The following ITM2C variants were observed in gnomAD, a reference collection of about 807,000 sequenced individuals.
ITM2C encodes the protein BRICHOS domain containing 2C.
ITM2C carries 20 observed loss-of-function variants against 30.0 expected under a neutral mutation model. The ratio of observed to expected loss-of-function variants is 0.67; its 90% confidence interval spans 0.47 to 0.97. ITM2C has a LOEUF of 0.97. Among genes scored for constraint, ITM2C ranks in the 50% least tolerant of loss-of-function variants. The pLI is 0.00. For missense variants in ITM2C, 366 were observed against 371.9 expected, an observed-to-expected ratio of 0.98 and a Z score of 0.13; for synonymous variants, 167 against 156.4, an observed-to-expected ratio of 1.07 and a Z score of -0.51.
At chr2:230,867,868 A>C (rs1283654046) in intron 1 of ITM2C, among the ~76,000 whole-genome samples, 1 of 152,154 alleles carries the variant, frequency 6.6e-6, no homozygotes, top group Non-Finnish European at 1.5e-5. Context: ...CATGTTGGCC[A>C]GACTGGTCTC....
At chr2:230,876,829 A>T (rs1177480999) in intron 3 of ITM2C, 28 bp from the exon 4 acceptor site, 2 of 1,505,140 alleles carry the variant, frequency 1.3e-6, no homozygotes, top group African/African-American at 2.8e-5. Flanking sequence ...CCTCCTGCAG[A>T]GACTGACCCA....
At position 230,865,024 on chromosome 2, in the gene ITM2C, C is replaced by T; in HGVS notation, c.-2C>T. 6.6e-7 allele frequency: 1 copy of T among 1,505,392 alleles called. No homozygotes were observed. Among genetic ancestry groups the T allele is most frequent in the Non-Finnish European group, 8.9e-7 (1 of 1,119,788 alleles). The allele number at this position is 1,505,392 out of a possible 1,614,324, so 93.3% of individuals were successfully genotyped here. ...GGGGCGGACGCGCGGGCCGGCGCAGCCATGGTGAAGATTAGCTTCCAGCCC... is the reference window on the plus strand; with the variant it reads ...GGGGCGGACGCGCGGGCCGGCGCAGTCATGGTGAAGATTAGCTTCCAGCCC... On this transcript the variant is annotated 5_prime_UTR_variant, in exon 1 of 6. Transcript: ENST00000326427. This position sits in a 1 kb window ranked among gnomAD's most constrained non-coding sequence, Gnocchi z 6.8.
intron 1 of ITM2C, among the ~76,000 whole-genome samples, chr2:230,871,403 C>T (rs781627822): frequency 1.3e-5 from 2 of 152,254 alleles, no homozygotes; most frequent in Non-Finnish European, 2.9e-5. Flanking sequence ...GAAGGTGTCA[C>T]CCCCGTCTCT....
rs543133791 is a variant in ITM2C, at chr2:230,865,481, G to A, written c.120+336G>A. The A allele has an allele frequency of 3.6e-5, 8 of 221,740 alleles. No homozygotes were observed. The East Asian group carries it at 5.5e-4, about 15-fold the overall frequency. The allele number at this position is 221,740 out of a possible 1,614,324, so 13.7% of individuals were successfully genotyped here. On this transcript the variant is annotated intron_variant, in intron 1 of 5. Coordinates refer to ENST00000326427, the MANE Select transcript of ITM2C (RefSeq NM_030926.6). The surrounding 1 kb of genome is among the most constrained non-coding windows in gnomAD (Gnocchi z 6.8). The stretch of plus-strand genomic sequence containing the variant: ...GTCCGAAGAAGTTCGAGGAATGTTG[G>A]TGGGGGGGTACGCGTCTGGTTCCAA...
Position 230,878,278 on chromosome 2 carries a change from G to A in ITM2C, c.*179G>A. 2.3e-6 allele frequency: 1 copy of A among 435,624 alleles called. No individual in the cohort carries two copies. The highest frequency in any genetic ancestry group is 4.0e-5 in the Admixed American group (1 of 24,830). The allele number at this position is 435,624 out of a possible 1,614,324, so 27.0% of individuals were successfully genotyped here. On this transcript the variant is annotated 3_prime_UTR_variant, in exon 6 of 6. Transcript: ENST00000326427. This position sits in a 1 kb window ranked among gnomAD's most constrained non-coding sequence, Gnocchi z 4.5. ...CCTGTACCAGAGCTGTGATCTCTCG[G>A]TGGGGGGCCCATCTCTGCTGACCTG... is the stretch of plus-strand genomic sequence containing the variant.
chr2:230,875,505 C>G, intron 2 of ITM2C, 115 bp from the exon 3 acceptor site: 1 of 893,246 alleles, frequency 1.1e-6, no homozygotes, highest in Non-Finnish European at 1.7e-6. Context: ...CCCTGCTCTT[C>G]TTGCTTCCGC....
Position 230,877,309 on chromosome 2 carries a change from C to T in ITM2C, c.562-91C>T, listed in dbSNP as rs1697328292. ...ATCAGAAGGGCCAGCCCAGGGGCCTCTGGAGGAGGGAGGTGGGCTGGCATT... is the reference window on the plus strand; with the variant it reads ...ATCAGAAGGGCCAGCCCAGGGGCCTTTGGAGGAGGGAGGTGGGCTGGCATT... On this transcript the variant is annotated intron_variant, in intron 4 of 5. Transcript: ENST00000326427. This position sits in a 1 kb window ranked among gnomAD's most constrained non-coding sequence, Gnocchi z 4.8. 7.2e-7 allele frequency: 1 copy of T among 1,382,408 alleles called. No homozygotes were observed. Among genetic ancestry groups the T allele is most frequent in the African/African-American group, 1.4e-5 (1 of 70,286 alleles). The allele number at this position is 1,382,408 out of a possible 1,614,324, so 85.6% of individuals were successfully genotyped here.
At chr2:230,867,634 G>T (rs185141925) in intron 1 of ITM2C, among the ~76,000 whole-genome samples, 154 of 151,210 alleles carry the variant, frequency 1.0e-3, no homozygotes, top group African/African-American at 3.5e-3. Flanking sequence ...TCCAAAACAA[G>T]ATTTATTTTA....
chr2:230,872,907 G>A (rs1697198137), intron 1 of ITM2C, among the ~76,000 whole-genome samples: 1 of 152,110 alleles, frequency 6.6e-6, no homozygotes, highest in Admixed American at 6.6e-5. Flanking sequence ...GTTTTAGAGT[G>A]GATCTTGTCA....
rs749699723 is a variant in ITM2C, at chr2:230,877,368, C to T, written c.562-32C>T. On this transcript the variant is annotated intron_variant, in intron 4 of 5. Coordinates refer to ENST00000326427, the MANE Select transcript of ITM2C (RefSeq NM_030926.6). The surrounding 1 kb of genome is among the most constrained non-coding windows in gnomAD (Gnocchi z 4.8). ...GGGGTTGGACGAAAGCCTGAGGGGC[C>T]GACTCACTGTGGCGGCCACCTTGTT... The T allele has an allele frequency of 2.1e-5, 34 of 1,608,894 alleles. No homozygotes were observed. Among genetic ancestry groups the T allele is most frequent in the African/African-American group, 1.2e-4 (9 of 74,818 alleles).
At chr2:230,874,995 G>A (rs1016512000) in intron 2 of ITM2C, among the ~76,000 whole-genome samples, 13 of 152,152 alleles carry the variant, frequency 8.5e-5, no homozygotes, top group Admixed American at 3.9e-4. Flanking sequence ...GGAGGTAACC[G>A]TGATAGGGGC....
chr2:230,875,064 C>T (rs937932139), intron 2 of ITM2C, among the ~76,000 whole-genome samples: 4 of 152,236 alleles, frequency 2.6e-5, no homozygotes, highest in African/African-American at 9.6e-5. Context: ...TGTTAGGCCC[C>T]TCCAGGTCTG....
chr2:230,876,573 C>T (rs958389495), intron 3 of ITM2C, among the ~76,000 whole-genome samples: 2 of 152,174 alleles, frequency 1.3e-5, no homozygotes, highest in African/African-American at 4.8e-5. Context: ...GCTCCGCCTC[C>T]TGGGTTCACA....
intron 1 of ITM2C, among the ~76,000 whole-genome samples, chr2:230,867,229 A>G (rs543808096): frequency 2.6e-5 from 4 of 152,336 alleles, no homozygotes; most frequent in African/African-American, 9.6e-5. Context: ...GCATGTTAGT[A>G]AACTTTCACA....
Position 230,873,462 on chromosome 2 carries a change from G to A in ITM2C, c.166G>A (p.Gly56Ser). ...QHRSKRGGSV[G>S]GVCYLSMGMV... ...TCGATCCAAGAGGGGGGGCTCAGTG[G>A]GCGGCGTGTGCTACCTGTCGATGGG... is the stretch of plus-strand genomic sequence containing the variant. The change falls in exon 2 of 6, where the codon GGC becomes AGC. Residue 56 changes from glycine (G) to serine (S), a missense_variant. Transcript: ENST00000326427. 6.2e-7 allele frequency: 1 copy of A among 1,609,400 alleles called. No homozygotes were observed. Among genetic ancestry groups the A allele is most frequent in the East Asian group, 2.3e-5 (1 of 44,444 alleles).
intron 1 of ITM2C, among the ~76,000 whole-genome samples, chr2:230,867,820 G>A (rs1445335780): frequency 4.6e-5 from 7 of 151,950 alleles, no homozygotes; most frequent in Admixed American, 1.3e-4. Context: ...CACCATGCCC[G>A]GCTAATTTTT....
At chr2:230,864,487 G>A (rs913718779), upstream of ITM2C, among the ~76,000 whole-genome samples, 1 of 152,160 alleles carries the variant, frequency 6.6e-6, no homozygotes, top group African/African-American at 2.4e-5. This position sits in a 1 kb window ranked among gnomAD's most constrained non-coding sequence, Gnocchi z 4.3. Context: ...GAGGAGGGGG[G>A]CGTGGGGACA....
Position 230,874,109 on chromosome 2 carries a change from G to A in ITM2C, c.261+552G>A, listed in dbSNP as rs147572416. Among the ~76,000 whole-genome samples the A allele has an allele frequency of 6.5e-3, 985 of 152,270 alleles. 12 individuals carry two copies. Among genetic ancestry groups the A allele is most frequent in the African/African-American group, 0.023 (944 of 41,556 alleles). On this transcript the variant is annotated intron_variant, in intron 2 of 5. Coordinates refer to ENST00000326427, the MANE Select transcript of ITM2C (RefSeq NM_030926.6). ...CCAGACCTGGGAGGGAGGGAGTGTC[G>A]CTGTGTGCTTGGAAATGAAAGTAGG...
Position 230,875,747 on chromosome 2 carries a change from A to G in ITM2C, c.389A>G (p.Asn130Ser). 6.3e-7 allele frequency: 1 copy of G among 1,584,140 alleles called. No homozygotes were observed. The highest frequency in any genetic ancestry group is 8.6e-7 in the Non-Finnish European group (1 of 1,161,722). Residue 130 changes from asparagine to serine, a missense_variant, in exon 3 of 6, where the codon AAC becomes AGC. By Grantham distance (46) the Asn-to-Ser change is conservative. Coordinates refer to ENST00000326427, the MANE Select transcript of ITM2C (RefSeq NM_030926.6). ...IYLDENYERINVPVPQFGGGD... is the reference protein window; with the variant it reads ...IYLDENYERISVPVPQFGGGD... ...CTCGACGAGAACTACGAGCGCATCA[A>G]CGTGCCTGTGCCCCAGTTTGGCGGC... is the stretch of plus-strand genomic sequence containing the variant.
Sources: allele counts gnomAD v4.1 joint callset (sites outside exome capture counted in the v4.1 genomes callset), GRCh38; gene constraint gnomAD v4.1.1; non-coding constraint Gnocchi (gnomAD v3.1); transcripts MANE v1.5; gene names NCBI Gene and HGNC (gene_info 2026-07-23, HGNC 2026-07-21).